BCL2L15: variants seen among roughly 807,000 people sequenced by gnomAD.
BCL2L15 encodes BCL2 like 15.
A neutral mutation model predicts 18.3 loss-of-function variants in BCL2L15; 15 were observed. That is an observed-to-expected ratio of 0.82 (90% CI 0.55 to 1.26). The LOEUF is 1.26. BCL2L15 is among the 50% of genes most tolerant of loss of function. The pLI, the probability that BCL2L15 is intolerant of heterozygous loss-of-function variation, is 0.00. For missense variants in BCL2L15, 180 were observed against 201.7 expected (o/e 0.89, Z 0.65); for synonymous variants, 58 against 68.5 (o/e 0.85, Z 0.76).
At chr1:113,886,703 C>T in intron 1 of BCL2L15, 45 bp from the exon 2 acceptor site, 1 of 1,545,226 alleles carries the variant, frequency 6.5e-7, no homozygotes, top group African/African-American at 1.4e-5. Context: ...GAAGCAATGG[C>T]AAGTCCCAGG....
intron 3 of BCL2L15, 91 bp downstream of exon 3, chr1:113,881,682 A>G: frequency 1.4e-6 from 2 of 1,459,520 alleles, no homozygotes; most frequent in South Asian, 1.4e-5. Context: ...TTGGTTTCCA[A>G]TTTACAAAAA....
intron 1 of BCL2L15, 31 bp from the exon 2 acceptor site, chr1:113,886,689 G>T: frequency 6.4e-7 from 1 of 1,560,666 alleles, no homozygotes. Context: ...TTGTTACAAT[G>T]CTTGAAGCAA....
At chr1:113,882,594 G>A (rs1666910078) in intron 2 of BCL2L15, among the ~76,000 whole-genome samples, 3 of 152,184 alleles carry the variant, frequency 2.0e-5, no homozygotes, top group Admixed American at 6.5e-5. Context: ...GAAGTGAGCC[G>A]AGATCACGCC....
Position 113,887,332 on chromosome 1 carries a change from A to C in BCL2L15, c.44T>G (p.Val15Gly), listed in dbSNP as rs375501688. ...CAAGAAGTCCATGAGTAGAGTGTTC[A>C]CAATGCATTCCGTTTGTTCCTCAAA... is the stretch of plus-strand genomic sequence containing the variant. ...QTFEEQTECI[V>G]NTLLMDFLSP... Residue 15 changes from valine to glycine, a missense_variant, in exon 1 of 4, where the codon GTG becomes GGG. Transcript: ENST00000393316. 3.8e-5 allele frequency: 61 copies of C among 1,614,090 alleles called. No homozygotes were observed. Among genetic ancestry groups the C allele is most frequent in the Admixed American group, 5.0e-5 (3 of 60,012 alleles).
At chr1:113,885,324 G>A (rs896768183) in intron 2 of BCL2L15, among the ~76,000 whole-genome samples, 1 of 152,168 alleles carries the variant, frequency 6.6e-6, no homozygotes, top group Non-Finnish European at 1.5e-5. Flanking sequence ...CAGCCTCAGG[G>A]CAAGCAACTG....
In BCL2L15 at chr1:113,880,381, C is replaced by A. The variant is rs1571508438; in HGVS notation, c.*742G>T. The A allele has an allele frequency of 2.0e-5, 3 of 152,402 alleles. No homozygotes were observed. The highest frequency in any genetic ancestry group is 6.8e-3 in the Middle Eastern group (2 of 296). The allele number at this position is 152,402 out of a possible 1,614,324, so 9.4% of individuals were successfully genotyped here. ...GTGGCTCACGCCTGTAATCCCAGCA[C>A]TTTGGGAGGCCAAGGCGGGCGAATC... On this transcript the variant is annotated 3_prime_UTR_variant, in exon 4 of 4. Transcript: ENST00000393316.
Position 113,886,649 on chromosome 1 carries a change from C to T in BCL2L15, c.137G>A (p.Cys46Tyr). 1.2e-6 allele frequency: 2 copies of T among 1,609,442 alleles called. No homozygotes were observed. The highest frequency in any genetic ancestry group is 1.7e-6 in the Non-Finnish European group (2 of 1,178,778). ...CVDEVDSGEP[C>Y]SFDVAIIAGR... ...AGCAATGATAGCCACATCAAAAGAA[C>T]AAGGCTCTCCTATGACAGAGGGAAC... Residue 46 changes from cysteine to tyrosine, a missense_variant, in exon 2 of 4, where the codon TGT becomes TAT. Cys to Tyr is a radical substitution (Grantham distance 194, BLOSUM62 -2). Transcript: ENST00000393316.
chr1:113,884,283 T>C (rs1005407116), intron 2 of BCL2L15, among the ~76,000 whole-genome samples: 13 of 152,234 alleles, frequency 8.5e-5, no homozygotes, highest in African/African-American at 2.9e-4. Flanking sequence ...CAAAGGTATA[T>C]ATCCTTAATT....
chr1:113,881,988 T>C lies in BCL2L15; in HGVS notation c.259A>G (p.Ile87Val), dbSNP rs369636145. 3.7e-6 allele frequency: 6 copies of C among 1,612,672 alleles called. No individual in the cohort carries two copies. Among genetic ancestry groups the C allele is most frequent in the Non-Finnish European group, 4.2e-6 (5 of 1,178,896 alleles). The stretch of plus-strand genomic sequence containing the variant: ...AGAGATTCCACAGTGTCCTGGAGTA[T>C]AGCTCCTGTCTGAGGAAAGACAAAG... ...AETIKGQTGA[I>V]LQDTVESLSK... The change falls in exon 3 of 4, where the codon ATA (isoleucine) becomes GTA (valine). Residue 87 changes from isoleucine to valine, a missense_variant. Ile to Val is a conservative substitution (Grantham distance 29, BLOSUM62 3). Transcript: ENST00000393316.
chr1:113,878,156 A>G lies in BCL2L15; in HGVS notation c.*2967T>C, dbSNP rs892589150. On this transcript the variant is annotated 3_prime_UTR_variant, in exon 4 of 4. Transcript: ENST00000393316. ...AATGGCACAGTGTTTAAAATATTCC[A>G]AGTACTCACCCTTTACAAAATGTAT... 2.6e-5 allele frequency: 4 copies of G among 152,260 alleles called. No homozygotes were observed. The highest frequency in any genetic ancestry group is 9.6e-5 in the African/African-American group (4 of 41,466). The allele number at this position is 152,260 out of a possible 1,614,324, so 9.4% of individuals were successfully genotyped here.
At chr1:113,884,466 C>T (rs542565430) in intron 2 of BCL2L15, among the ~76,000 whole-genome samples, 57 of 152,126 alleles carry the variant, frequency 3.7e-4, no homozygotes, top group Non-Finnish European at 7.3e-4. Flanking sequence ...TGGCCTACAA[C>T]TTTTTACTAT....
intron 2 of BCL2L15, among the ~76,000 whole-genome samples, chr1:113,884,095 T>A (rs1191383073): frequency 6.6e-6 from 1 of 152,128 alleles, no homozygotes; most frequent in Non-Finnish European, 1.5e-5. Context: ...TCAAAGTACC[T>A]CTCCATAAAA....
Position 113,877,205 on chromosome 1 carries a change from T to C in BCL2L15, c.*3918A>G, listed in dbSNP as rs1666750436. 6.6e-6 allele frequency among the ~76,000 whole-genome samples: 1 copy of C among 151,934 alleles called. No individual in the cohort carries two copies. Among genetic ancestry groups the C allele is most frequent in the Non-Finnish European group, 1.5e-5 (1 of 67,996 alleles). On this transcript the variant is annotated 3_prime_UTR_variant, in exon 4 of 4. Coordinates refer to ENST00000393316, the MANE Select transcript of BCL2L15 (RefSeq NM_001010922.3). ...TGACTGGCTCGGTTATACTAGAGCA[T>C]TGGGATTGTAGAGGAGAATCATGAT... is the stretch of plus-strand genomic sequence containing the variant.
intron 1 of BCL2L15, 50 bp from the exon 2 acceptor site, chr1:113,886,708 C>A (rs763012143): frequency 1.9e-6 from 3 of 1,538,656 alleles, no homozygotes. Flanking sequence ...AATGGCAAGT[C>A]CCAGGAATCT....
chr1:113,881,239 C>T (rs948229388), intron 3 of BCL2L15, 99 bp from the exon 4 acceptor site: 1 of 1,562,350 alleles, frequency 6.4e-7, no homozygotes, highest in African/African-American at 1.4e-5. Flanking sequence ...GGAAATGTAG[C>T]TCTTATTAAG....
chr1:113,881,583 C>T, intron 3 of BCL2L15, 190 bp downstream of exon 3: 1 of 1,420,744 alleles, frequency 7.0e-7, no homozygotes. Flanking sequence ...TCGAGTCCAA[C>T]ATCCACAGGC....
Position 113,886,772 on chromosome 1 carries a change from C to T in BCL2L15, c.128-114G>A, listed in dbSNP as rs1667049374. On this transcript the variant is annotated intron_variant, in intron 1 of 3. Transcript: ENST00000393316. ...TTAAATAATTTTCATATCATGATCT[C>T]CCAAGAGCTTAAATGTTCTGTCAAC... The T allele has an allele frequency of 5.9e-6, 6 of 1,011,066 alleles. No individual in the cohort carries two copies. In the South Asian group the frequency reaches 1.1e-4, roughly 19 times the overall value. The allele number at this position is 1,011,066 out of a possible 1,614,324, so 62.6% of individuals were successfully genotyped here.
chr1:113,886,458 G>A, intron 2 of BCL2L15, 79 bp downstream of exon 2: 3 of 1,390,474 alleles, frequency 2.2e-6, no homozygotes, highest in South Asian at 1.3e-5. Flanking sequence ...CCTAGTCACT[G>A]TAGTATGGGA....
At chr1:113,887,192 C>A (rs988494744) in intron 1 of BCL2L15, 57 bp downstream of exon 1, 28 of 1,541,640 alleles carry the variant, frequency 1.8e-5, no homozygotes, top group Admixed American at 1.2e-4. Context: ...GTCACTGCGC[C>A]CGGCTGAAAA....
Sources: allele counts gnomAD v4.1 joint callset (sites outside exome capture counted in the v4.1 genomes callset), GRCh38; gene constraint gnomAD v4.1.1; transcripts MANE v1.5; gene names NCBI Gene and HGNC (gene_info 2026-07-23, HGNC 2026-07-21).